PTPRK: variants seen among roughly 807,000 people sequenced by gnomAD.
PTPRK encodes the protein protein tyrosine phosphatase receptor type K, also known as receptor-type tyrosine-protein phosphatase kappa.
In PTPRK, 75 loss-of-function variants were observed where a neutral mutation model predicts 178.0. The observed-to-expected ratio is 0.42, with a 90% CI of 0.35 to 0.51. The LOEUF is 0.51. Among genes scored for constraint, PTPRK ranks in the 20% least tolerant of loss-of-function variants. PTPRK has a pLI of 0.02. For missense variants in PTPRK, 1,441 were observed against 1,797.8 expected, an observed-to-expected ratio of 0.80 and a Z score of 3.59; for synonymous variants, 637 against 620.6, an observed-to-expected ratio of 1.03 and a Z score of -0.39.
At position 127,974,891 on chromosome 6, in the gene PTPRK, A is replaced by G. The variant is rs374606297; in HGVS notation, c.3970-1064T>C. ...AAAAGTAGTAGTGTTGAAAGAATGA[A>G]TCAAAACCTTAAACCTTGAAATAAA... On this transcript the variant is annotated intron_variant, in intron 27 of 29. Transcript: ENST00000368226. 4.4e-4 allele frequency among the ~76,000 whole-genome samples: 67 copies of G among 152,322 alleles called. 2 individuals are homozygous for G. In the East Asian group the frequency reaches 9.2e-3, roughly 21 times the overall value.
rs1357427073 is a variant in PTPRK at position 127,970,288 on chromosome 6, A to G, written c.4270-8T>C. ...GCAGAAACGGTATTGCTCCTGAAAG[A>G]TGTCAAAACACAAAGAGTGAGAAAA... On this transcript the variant is annotated splice_polypyrimidine_tract_variant and splice_region_variant and intron_variant, in intron 29 of 29. Coordinates refer to ENST00000368226, the MANE Select transcript of PTPRK (RefSeq NM_002844.4). The G allele has an allele frequency of 1.2e-6, 2 of 1,608,446 alleles. No individual in the cohort carries two copies. Among genetic ancestry groups the G allele is most frequent in the Non-Finnish European group, 1.7e-6 (2 of 1,176,438 alleles).
At chr6:128,319,276 C>T (rs1220561316) in intron 3 of PTPRK, among the ~76,000 whole-genome samples, 1 of 152,078 alleles carries the variant, frequency 6.6e-6, no homozygotes, top group Non-Finnish European at 1.5e-5. Flanking sequence ...GTCATTTAAC[C>T]ATCGCTATGG....
At chr6:128,490,517 C>A (rs1210281099) in intron 1 of PTPRK, among the ~76,000 whole-genome samples, 1 of 152,178 alleles carries the variant, frequency 6.6e-6, no homozygotes, top group African/African-American at 2.4e-5. Context: ...GCCCAGGCCC[C>A]AATACTGGGA....
intron 1 of PTPRK, among the ~76,000 whole-genome samples, chr6:128,430,073 T>C (rs912845419): frequency 2.6e-5 from 4 of 152,158 alleles, no homozygotes; most frequent in Admixed American, 6.5e-5. Context: ...TGGATGAGTA[T>C]TGAATGAGTA....
intron 7 of PTPRK, among the ~76,000 whole-genome samples, chr6:128,108,558 G>A (rs1392123453): frequency 2.0e-5 from 3 of 152,122 alleles, no homozygotes; most frequent in African/African-American, 4.8e-5. Context: ...GCCATAACCT[G>A]TCTTCACCTG....
intron 6 of PTPRK, among the ~76,000 whole-genome samples, chr6:128,218,398 T>G (rs2128271350): frequency 6.6e-6 from 1 of 152,364 alleles, no homozygotes; most frequent in South Asian, 2.1e-4. Flanking sequence ...TTCTAGTAAC[T>G]TTAGTATCCA....
intron 7 of PTPRK, among the ~76,000 whole-genome samples, chr6:128,173,586 A>G (rs1239888210): frequency 1.3e-5 from 2 of 151,990 alleles, no homozygotes; most frequent in Non-Finnish European, 2.9e-5. Flanking sequence ...ATTTCTAAAA[A>G]TAAGCACAGA....
At chr6:128,375,100 T>TATTATA (rs1350368974) in intron 2 of PTPRK, among the ~76,000 whole-genome samples, 4 of 146,740 alleles carry the variant, frequency 2.7e-5, no homozygotes, top group African/African-American at 2.5e-5. Flanking sequence ...TTATTATTAT[T>TATTATA]ATTATCCTTT....
chr6:127,983,436 A>G (rs1775593684), intron 22 of PTPRK, 59 bp from the exon 23 acceptor site: 1 of 1,564,640 alleles, frequency 6.4e-7, no homozygotes, highest in Non-Finnish European at 8.7e-7. Context: ...ATAACCTTAA[A>G]TAAGGACTTT....
In PTPRK at chr6:127,996,936, T is replaced by C; in HGVS notation, c.2732A>G (p.Asn911Ser). 6.2e-7 allele frequency: 1 copy of C among 1,611,800 alleles called. No homozygotes were observed. The highest frequency in any genetic ancestry group is 8.5e-7 in the Non-Finnish European group (1 of 1,178,798). Residue 911 changes from asparagine (N) to serine (S), a missense_variant, in exon 17 of 30, where the codon AAT (asparagine) becomes AGT (serine). Around this residue, in one of 4 missense-constraint regions of PTPRK, gnomAD observed 945 missense variants for 1,080.6 expected, o/e 0.87. Coordinates refer to ENST00000368226, the MANE Select transcript of PTPRK (RefSeq NM_002844.4). Reference protein sequence around the residue: ...ASWDVAKKDQNRAKNRYGNII... With the variant: ...ASWDVAKKDQSRAKNRYGNII... Reference sequence around the variant, plus strand: ...GTTTCCATATCGGTTTTTTGCTCTATTTTGATCTTTTTTAGCTACATCCCA... The same window carrying C: ...GTTTCCATATCGGTTTTTTGCTCTACTTTGATCTTTTTTAGCTACATCCCA...
intron 2 of PTPRK, among the ~76,000 whole-genome samples, chr6:128,383,566 A>G (rs1838256041): frequency 6.6e-6 from 1 of 152,224 alleles, no homozygotes. Context: ...TCATTCAAAA[A>G]TAATTTGAGT....
intron 3 of PTPRK, among the ~76,000 whole-genome samples, chr6:128,306,342 T>G (rs1826373744): frequency 6.6e-6 from 1 of 152,150 alleles, no homozygotes; most frequent in African/African-American, 2.4e-5. Flanking sequence ...TACAATGGAA[T>G]GAGCTAATAA....
At chr6:128,500,536 A>C (rs1855398588) in intron 1 of PTPRK, 1 of 152,328 alleles carries the variant, frequency 6.6e-6, no homozygotes, top group South Asian at 2.1e-4. Flanking sequence ...TAAGAGATTG[A>C]GTTTAACGTC....
At chr6:128,106,472 T>A (rs1481575391) in intron 7 of PTPRK, among the ~76,000 whole-genome samples, 1 of 152,088 alleles carries the variant, frequency 6.6e-6, no homozygotes. Context: ...TTGCCCATTT[T>A]CAGGTGCTTG....
intron 5 of PTPRK, among the ~76,000 whole-genome samples, chr6:128,236,848 C>T (rs1247183257): frequency 6.6e-6 from 1 of 151,996 alleles, no homozygotes; most frequent in Non-Finnish European, 1.5e-5. Flanking sequence ...TTATATAATC[C>T]AATTCTTACA....
At chr6:128,368,239 T>C (rs1835794236) in intron 2 of PTPRK, among the ~76,000 whole-genome samples, 1 of 151,834 alleles carries the variant, frequency 6.6e-6, no homozygotes, top group South Asian at 2.1e-4. Context: ...GCAGAGAATA[T>C]AAACTGAAGG....
intron 13 of PTPRK, among the ~76,000 whole-genome samples, chr6:128,046,368 G>A (rs186695929): frequency 2.6e-5 from 4 of 152,190 alleles, no homozygotes; most frequent in Middle Eastern, 3.4e-3. Context: ...CAGGCACTCA[G>A]AGGAAAAACT....
At position 128,122,146 on chromosome 6, in the gene PTPRK, G is replaced by A. The variant is rs574483875; in HGVS notation, c.1163-32154C>T. Reference sequence around the variant, plus strand: ...TTTTAATAGCCTCGAGAAATGTTACGTATGCTTGTAGCAGAGTTTATAAGT... The same window carrying A: ...TTTTAATAGCCTCGAGAAATGTTACATATGCTTGTAGCAGAGTTTATAAGT... On this transcript the variant is annotated intron_variant, in intron 7 of 29. Coordinates refer to ENST00000368226, the MANE Select transcript of PTPRK (RefSeq NM_002844.4). 7.9e-5 allele frequency among the ~76,000 whole-genome samples: 12 copies of A among 152,140 alleles called. No individual in the cohort carries two copies. In the East Asian group the frequency reaches 1.9e-3, roughly 24 times the overall value.
chr6:128,075,153 A>G (rs1397889582), intron 11 of PTPRK, among the ~76,000 whole-genome samples: 1 of 152,010 alleles, frequency 6.6e-6, no homozygotes, highest in Admixed American at 6.6e-5. Context: ...TAGGAGCCAC[A>G]GTCTTACCTG....
Sources: allele counts gnomAD v4.1 joint callset (sites outside exome capture counted in the v4.1 genomes callset), GRCh38; gene constraint gnomAD v4.1.1; regional missense constraint gnomAD v4.1.1; transcripts MANE v1.5; gene names NCBI Gene and HGNC (gene_info 2026-07-23, HGNC 2026-07-21).